Variants in EEPD1 observed in about 807,000 individuals in gnomAD.
EEPD1 encodes the protein endonuclease/exonuclease/phosphatase family domain-containing protein 1.
In EEPD1, 17 loss-of-function variants were observed where a neutral mutation model predicts 46.3. That is an observed-to-expected ratio of 0.37 (90% confidence interval 0.25 to 0.55). The LOEUF is 0.55. EEPD1 is among the 20% of genes least tolerant of loss of function. EEPD1 has a pLI of 0.83. For synonymous variants in EEPD1, 313 were observed against 315.6 expected (o/e 0.99, Z 0.09); for missense variants, 673 against 745.6 (o/e 0.90, Z 1.13).
intron 2 of EEPD1, among the ~76,000 whole-genome samples, chr7:36,161,559 G>T (rs1483725796): frequency 2.0e-5 from 3 of 152,054 alleles, no homozygotes; most frequent in South Asian, 2.1e-4. Context: ...CTGAGGAGGG[G>T]GAGGTCCGGG....
At chr7:36,255,644 A>C (rs1786817843) in intron 3 of EEPD1, among the ~76,000 whole-genome samples, 1 of 152,134 alleles carries the variant, frequency 6.6e-6, no homozygotes, top group Non-Finnish European at 1.5e-5. Context: ...CTCTGATGGT[A>C]GTTTGTATTT....
In EEPD1 at chr7:36,154,829, G is replaced by C. The variant is rs1236726404; in HGVS notation, c.505G>C (p.Gly169Arg). The change falls in exon 2 of 8, where the codon GGG (glycine) becomes CGG (arginine). Residue 169 changes from glycine to arginine, a missense_variant. By Grantham distance (125) the Gly-to-Arg change is moderately radical (BLOSUM62 -2). Transcript: ENST00000242108. The surrounding 1 kb of genome is among the most constrained non-coding windows in gnomAD (Gnocchi z 4.2). ...LSIVDFRREH[G>R]PFRSVEDLVR... is the part of the protein sequence containing the mutation. Reference sequence around the variant, plus strand: ...CATCGTGGACTTCCGCCGTGAGCATGGGCCCTTTCGCAGCGTTGAGGACCT... The same window carrying C: ...CATCGTGGACTTCCGCCGTGAGCATCGGCCCTTTCGCAGCGTTGAGGACCT... The C allele has an allele frequency of 3.1e-6, 5 of 1,614,090 alleles. No individual in the cohort carries two copies. Among genetic ancestry groups the C allele is most frequent in the Non-Finnish European group, 4.2e-6 (5 of 1,180,054 alleles).
intron 3 of EEPD1, among the ~76,000 whole-genome samples, chr7:36,279,909 G>A (rs932648810): frequency 6.6e-6 from 1 of 152,182 alleles, no homozygotes; most frequent in Non-Finnish European, 1.5e-5. Flanking sequence ...GTCCAGTGAC[G>A]GACTTCTTAG....
Position 36,153,665 on chromosome 7 carries a change from C to A in EEPD1, c.-202C>A, listed in dbSNP as rs1784763469. 1 of 152,584 alleles carries A rather than the reference C, an allele frequency of 6.6e-6. No individual in the cohort carries two copies. The highest frequency in any genetic ancestry group is 2.4e-5 in the African/African-American group (1 of 41,462). The allele number at this position is 152,584 out of a possible 1,614,324, so 9.5% of individuals were successfully genotyped here. A position where few individuals can be genotyped will look rare whatever the true frequency, so the allele number is the denominator to read the frequency against. On this transcript the variant is annotated 5_prime_UTR_variant, in exon 1 of 8. Coordinates refer to ENST00000242108, the MANE Select transcript of EEPD1 (RefSeq NM_030636.3). ...GAAGAGGAACCGGCGCCCCGCAGAGCGGCCGAGAGGTGGGGCGCGGGGACC... is the reference window on the plus strand; with the variant it reads ...GAAGAGGAACCGGCGCCCCGCAGAGAGGCCGAGAGGTGGGGCGCGGGGACC...
chr7:36,176,671 A>G (rs1785185649), intron 2 of EEPD1, among the ~76,000 whole-genome samples: 1 of 152,224 alleles, frequency 6.6e-6, no homozygotes, highest in Non-Finnish European at 1.5e-5. Context: ...CTTTTTGTGT[A>G]CAGAGAAACA....
chr7:36,160,747 G>C (rs1784891829), intron 2 of EEPD1, among the ~76,000 whole-genome samples: 1 of 150,716 alleles, frequency 6.6e-6, no homozygotes, highest in South Asian at 2.1e-4. Flanking sequence ...TCAAGCTAAA[G>C]GCAATGATCT....
intron 2 of EEPD1, among the ~76,000 whole-genome samples, chr7:36,199,979 A>T (rs917492357): frequency 1.3e-5 from 2 of 152,118 alleles, no homozygotes; most frequent in African/African-American, 4.8e-5. Context: ...CTATTTTTTT[A>T]ACTTTTATTT....
At chr7:36,255,128 G>C (rs1786807574) in intron 3 of EEPD1, among the ~76,000 whole-genome samples, 2 of 152,148 alleles carry the variant, frequency 1.3e-5, no homozygotes. Flanking sequence ...CTGTGCAGAA[G>C]CTCTTTAGTT....
chr7:36,271,093 T>C (rs1787094997), intron 3 of EEPD1, among the ~76,000 whole-genome samples: 1 of 152,076 alleles, frequency 6.6e-6, no homozygotes, highest in Admixed American at 6.6e-5. Context: ...TTCAAGCCAT[T>C]CCCCTGCCTC....
In EEPD1 at chr7:36,277,755, T is replaced by C. The variant is rs76030927; in HGVS notation, c.931-3360T>C. 5.6e-3 allele frequency among the ~76,000 whole-genome samples: 847 copies of C among 152,292 alleles called. 5 individuals are homozygous for C. Among genetic ancestry groups the C allele is most frequent in the African/African-American group, 0.019 (806 of 41,574 alleles). ...GAATGCTTGTAGCCATAAACACTTA[T>C]CTCCCTCGTCGCTCAAGTTATTAAC... On this transcript the variant is annotated intron_variant, in intron 3 of 7. Transcript: ENST00000242108.
chr7:36,287,089 T>C (rs747319891), intron 5 of EEPD1, among the ~76,000 whole-genome samples: 21 of 151,198 alleles, frequency 1.4e-4, no homozygotes, highest in Non-Finnish European at 1.6e-4. Flanking sequence ...ATAAAAAAAT[T>C]AGCTGGGCAT....
chr7:36,211,746 G>A (rs1228356111), intron 2 of EEPD1, among the ~76,000 whole-genome samples: 4 of 152,022 alleles, frequency 2.6e-5, no homozygotes, highest in African/African-American at 4.8e-5. Flanking sequence ...CGAACATGGC[G>A]AAACCCTGTC....
intron 2 of EEPD1, among the ~76,000 whole-genome samples, chr7:36,162,756 A>G (rs1784919944): frequency 6.6e-6 from 1 of 152,116 alleles, no homozygotes; most frequent in Non-Finnish European, 1.5e-5. Flanking sequence ...TTTCCTGTGA[A>G]TTCTATTTTG....
At position 36,175,767 on chromosome 7, in the gene EEPD1, G is replaced by A. The variant is rs76152424; in HGVS notation, c.878+20565G>A. Among the ~76,000 whole-genome samples the A allele has an allele frequency of 3.4e-3, 510 of 152,228 alleles. 5 individuals are homozygous for A. The highest frequency in any genetic ancestry group is 0.012 in the African/African-American group (489 of 41,516). ...GCAGAATCATTCCCAGTTGAGAGCCGCTGCTCCAGAGCCATTTTAAAGGTA... is the reference window on the plus strand; with the variant it reads ...GCAGAATCATTCCCAGTTGAGAGCCACTGCTCCAGAGCCATTTTAAAGGTA... On this transcript the variant is annotated intron_variant, in intron 2 of 7. Coordinates refer to ENST00000242108, the MANE Select transcript of EEPD1 (RefSeq NM_030636.3).
intron 2 of EEPD1, 42 bp downstream of exon 2, chr7:36,155,244 C>T (rs746792385): frequency 6.7e-7 from 1 of 1,494,346 alleles, no homozygotes; most frequent in African/African-American, 1.4e-5. Context: ...GTGAAGGCAA[C>T]TTGTGCGTGA....
chr7:36,178,150 G>GT (rs1367263141), intron 2 of EEPD1, among the ~76,000 whole-genome samples: 2 of 150,786 alleles, frequency 1.3e-5, no homozygotes, highest in African/African-American at 5.0e-5. Context: ...GGAAACTGTT[G>GT]TGTCAGTTAA....
chr7:36,251,365 C>T (rs1786736764), intron 3 of EEPD1, among the ~76,000 whole-genome samples: 1 of 152,278 alleles, frequency 6.6e-6, no homozygotes, highest in African/African-American at 2.4e-5. Context: ...GTCTGGAGTG[C>T]AATGGCACAA....
At chr7:36,186,853 A>C (rs1421362288) in intron 2 of EEPD1, among the ~76,000 whole-genome samples, 1 of 152,244 alleles carries the variant, frequency 6.6e-6, no homozygotes, top group Non-Finnish European at 1.5e-5. Context: ...GTTAAATAAC[A>C]AACCATTTTT....
In EEPD1 at chr7:36,193,987, T is replaced by C. The variant is rs2700926; in HGVS notation, c.878+38785T>C. 0.14 allele frequency among the ~76,000 whole-genome samples: 21,708 copies of C among 152,216 alleles called. 1,665 individuals carry two copies. The highest frequency in any genetic ancestry group is 0.17 in the Non-Finnish European group (11,326 of 67,994). ...GCAGGTCCCCACCAGTCCCAGGACT[T>C]GCCGGTTCTGGGTTTATTTTGTGTG... On this transcript the variant is annotated intron_variant, in intron 2 of 7. Transcript: ENST00000242108. The surrounding 1 kb of genome is among the most constrained non-coding windows in gnomAD (Gnocchi z 4.9).
Sources: gnomAD v4.1 joint callset for allele counts (sites outside exome capture counted in the v4.1 genomes callset) on GRCh38, gnomAD v4.1.1 for gene constraint, Gnocchi (gnomAD v3.1) non-coding constraint, MANE v1.5 for transcripts, NCBI Gene and HGNC (gene_info 2026-07-23, HGNC 2026-07-21) for gene names.